Variants in GGACT observed in about 807,000 individuals in gnomAD.
GGACT encodes gamma-glutamylaminecyclotransferase.
For missense variants in GGACT, 241 were observed against 233.2 expected, an observed-to-expected ratio of 1.03 and a Z score of -0.22; for synonymous variants, 118 against 115.3, an observed-to-expected ratio of 1.02 and a Z score of -0.15.
At chr13:100,581,696 T>G (rs1257012852) in intron 2 of GGACT, among the ~76,000 whole-genome samples, 1 of 152,160 alleles carries the variant, frequency 6.6e-6, no homozygotes, top group Non-Finnish European at 1.5e-5. Context: ...GAGCACAGTA[T>G]GAAGGGAGGG....
rs536000546 is a variant in GGACT at position 100,538,452 on chromosome 13, C to T, written c.-10-5851G>A. On this transcript the variant is annotated intron_variant, in intron 2 of 2. Transcript: ENST00000683975. The stretch of plus-strand genomic sequence containing the variant: ...GTTTTAAAAATTGTGATAAAATACA[C>T]ATAACATAAAATTTATCATAACTAT... 7.2e-5 allele frequency: 11 copies of T among 152,308 alleles called. No homozygotes were observed. The South Asian group carries it at 1.9e-3, about 26-fold the overall frequency. The allele number at this position is 152,308 out of a possible 1,614,324, so 9.4% of individuals were successfully genotyped here. A position where few individuals can be genotyped will look rare whatever the true frequency, so the allele number is the denominator to read the frequency against.
At position 100,570,892 on chromosome 13, in the gene GGACT, T is replaced by G. The variant is rs1490110774; in HGVS notation, c.-11+12933A>C. Among the ~76,000 whole-genome samples, 3 of 152,100 alleles carry G rather than the reference T, an allele frequency of 2.0e-5. No individual in the cohort carries two copies. The East Asian group carries it at 5.8e-4, about 29-fold the overall frequency. On this transcript the variant is annotated intron_variant, in intron 2 of 2. Transcript: ENST00000683975. The stretch of plus-strand genomic sequence containing the variant: ...CTTAAATGCCTGCTCAGATGATGTA[T>G]CGCTACTTATTTGCTCATCTAATAA...
Position 100,566,975 on chromosome 13 carries a change from G to A in GGACT, c.-11+16850C>T, listed in dbSNP as rs1566536834. Among the ~76,000 whole-genome samples, 5 of 152,330 alleles carry A rather than the reference G, an allele frequency of 3.3e-5. No homozygotes were observed. In the South Asian group the frequency reaches 1.0e-3, roughly 32 times the overall value. ...TGGCATTCACGATCCTTTAAAGATT[G>A]CAGGCCATTGATTTGGTTGAATGTC... On this transcript the variant is annotated intron_variant, in intron 2 of 2. Coordinates refer to ENST00000683975, the MANE Select transcript of GGACT (RefSeq NM_001195087.2).
chr13:100,551,599 C>T (rs1397655268), intron 2 of GGACT, among the ~76,000 whole-genome samples: 3 of 152,230 alleles, frequency 2.0e-5, no homozygotes, highest in African/African-American at 7.2e-5. Flanking sequence ...AGTGTTCAAC[C>T]CTTTATTGGC....
At chr13:100,568,665 A>G (rs1874985984) in intron 2 of GGACT, among the ~76,000 whole-genome samples, 1 of 152,194 alleles carries the variant, frequency 6.6e-6, no homozygotes, top group Non-Finnish European at 1.5e-5. Flanking sequence ...TGTCTTCACA[A>G]TTCAAAACAC....
chr13:100,550,075 G>A (rs186526770), intron 2 of GGACT, among the ~76,000 whole-genome samples: 74 of 152,150 alleles, frequency 4.9e-4, no homozygotes, highest in African/African-American at 1.6e-3. Flanking sequence ...AAGGCAATTC[G>A]GCATGTGTCC....
chr13:100,563,819 G>A (rs948799767), intron 2 of GGACT, among the ~76,000 whole-genome samples: 4 of 152,248 alleles, frequency 2.6e-5, no homozygotes, highest in Non-Finnish European at 5.9e-5. Flanking sequence ...CCAACAGGTT[G>A]GGCACTGCCC....
chr13:100,564,657 G>T (rs2088794557), intron 2 of GGACT, among the ~76,000 whole-genome samples: 1 of 152,174 alleles, frequency 6.6e-6, no homozygotes, highest in African/African-American at 2.4e-5. Context: ...TTTTCTAAGA[G>T]CATTATGTTT....
chr13:100,566,140 C>T (rs942854548), intron 2 of GGACT, among the ~76,000 whole-genome samples: 7 of 152,204 alleles, frequency 4.6e-5, no homozygotes, highest in Non-Finnish European at 1.0e-4. Context: ...CAGCCAGCAC[C>T]TGAGTGCAGC....
chr13:100,531,450 C>T lies in GGACT; in HGVS notation c.*680G>A, dbSNP rs2088377079. Reference sequence around the variant, plus strand: ...CCGGGCGCTCAGCTGTGTCTACCAGCAAGTGGGTGTTCATTATTTTGCTAG... The same window carrying T: ...CCGGGCGCTCAGCTGTGTCTACCAGTAAGTGGGTGTTCATTATTTTGCTAG... On this transcript the variant is annotated 3_prime_UTR_variant, in exon 3 of 3. Coordinates refer to ENST00000683975, the MANE Select transcript of GGACT (RefSeq NM_001195087.2). The T allele has an allele frequency of 6.6e-6, 1 of 152,172 alleles. No individual in the cohort carries two copies. Among genetic ancestry groups the T allele is most frequent in the Non-Finnish European group, 1.5e-5 (1 of 68,034 alleles). The allele number at this position is 152,172 out of a possible 1,614,324, so 9.4% of individuals were successfully genotyped here.
In GGACT at chr13:100,530,731, T is replaced by TA. The variant is rs2088348768; in HGVS notation, c.*1398_*1399insT. ...CTGTGTCTCTATGTGGGTGTACTGT[T>TA]GGTGGCTGACTCCCCTGGAGGTCAC... On this transcript the variant is annotated 3_prime_UTR_variant, in exon 3 of 3. Transcript: ENST00000683975. 1 of 184,468 alleles carries TA rather than the reference T, an allele frequency of 5.4e-6. No homozygotes were observed. The highest frequency in any genetic ancestry group is 2.4e-5 in the African/African-American group (1 of 41,800). The allele number at this position is 184,468 out of a possible 1,614,324, so 11.4% of individuals were successfully genotyped here.
At chr13:100,547,820 G>A (rs1030594861) in intron 2 of GGACT, among the ~76,000 whole-genome samples, 4 of 152,236 alleles carry the variant, frequency 2.6e-5, no homozygotes, top group Admixed American at 1.3e-4. Context: ...GCACTGGGGT[G>A]GAGACCAGGG....
chr13:100,579,771 T>C (rs1203167734), intron 2 of GGACT, among the ~76,000 whole-genome samples: 1 of 152,174 alleles, frequency 6.6e-6, no homozygotes, highest in East Asian at 1.9e-4. Flanking sequence ...TCACCCTGGG[T>C]CTCTGGGTCT....
At chr13:100,532,678 C>G in intron 2 of GGACT, 77 bp from the exon 3 acceptor site, 1 of 1,204,028 alleles carries the variant, frequency 8.3e-7, no homozygotes, top group Admixed American at 2.5e-5. Context: ...GCTCCCGGCC[C>G]ACAGAGCCTC....
At chr13:100,556,890 T>C (rs1453237100) in intron 2 of GGACT, among the ~76,000 whole-genome samples, 1 of 152,208 alleles carries the variant, frequency 6.6e-6, no homozygotes, top group Non-Finnish European at 1.5e-5. Flanking sequence ...TCTCTTTTTT[T>C]TGAGGTGGAG....
chr13:100,570,053 T>A (rs770255598), intron 2 of GGACT, among the ~76,000 whole-genome samples: 1 of 152,234 alleles, frequency 6.6e-6, no homozygotes, highest in Non-Finnish European at 1.5e-5. Flanking sequence ...CACACCTTCC[T>A]GTCTTCTGAG....
intron 2 of GGACT, among the ~76,000 whole-genome samples, chr13:100,535,530 T>C (rs571723743): frequency 1.3e-5 from 2 of 152,158 alleles, no homozygotes; most frequent in African/African-American, 4.8e-5. Context: ...CCGCGGTGGG[T>C]ACCAACACAC....
chr13:100,540,778 A>G (rs1294339759), intron 2 of GGACT, among the ~76,000 whole-genome samples: 1 of 152,230 alleles, frequency 6.6e-6, no homozygotes, highest in Admixed American at 6.5e-5. Flanking sequence ...AACAGGACAC[A>G]TGAAAAGTCT....
At chr13:100,560,870 C>T (rs550405279) in intron 2 of GGACT, among the ~76,000 whole-genome samples, 41 of 152,316 alleles carry the variant, frequency 2.7e-4, no homozygotes, top group African/African-American at 9.9e-4. Flanking sequence ...TCTAGCAAGA[C>T]GGATGTGTGG....
Sources: allele counts gnomAD v4.1 joint callset (sites outside exome capture counted in the v4.1 genomes callset), GRCh38; gene constraint gnomAD v4.1.1; transcripts MANE v1.5; gene names NCBI Gene and HGNC (gene_info 2026-07-23, HGNC 2026-07-21).